Variants in GRM8 observed in about 807,000 individuals in gnomAD.
GRM8 encodes the protein glutamate metabotropic receptor 8, also known as metabotropic glutamate receptor 8.
A neutral mutation model predicts 87.2 loss-of-function variants in GRM8; 47 were observed. That is an observed-to-expected ratio of 0.54 (90% CI 0.43 to 0.69). The LOEUF is 0.69. Among genes scored for constraint, GRM8 ranks in the 30% least tolerant of loss-of-function variants. The probability of loss-of-function intolerance (pLI) is 0.00; values close to 1 mark genes in which losing one functional copy is unlikely to be tolerated. For missense variants in GRM8, 1,019 were observed against 1,139.2 expected (o/e 0.89, Z 1.52); for synonymous variants, 396 against 404.5 (o/e 0.98, Z 0.25).
intron 2 of GRM8, among the ~76,000 whole-genome samples, chr7:127,207,305 A>G (rs1161532446): frequency 3.3e-5 from 5 of 152,156 alleles, no homozygotes; most frequent in African/African-American, 4.8e-5. Context: ...CAAGTTTTCT[A>G]TGTGTCTCGG....
intron 7 of GRM8, among the ~76,000 whole-genome samples, chr7:126,614,354 T>C (rs1799228113): frequency 1.3e-5 from 2 of 152,140 alleles, no homozygotes; most frequent in South Asian, 4.1e-4. Flanking sequence ...AGAAAGGACA[T>C]CCACACCAAA....
chr7:126,645,997 C>G (rs942595776), intron 7 of GRM8, among the ~76,000 whole-genome samples: 1 of 152,130 alleles, frequency 6.6e-6, no homozygotes, highest in Non-Finnish European at 1.5e-5. Context: ...TTACTCACCC[C>G]CTCCCTCTCT....
At chr7:127,100,053 C>T (rs1249350647) in intron 3 of GRM8, among the ~76,000 whole-genome samples, 1 of 152,138 alleles carries the variant, frequency 6.6e-6, no homozygotes, top group Non-Finnish European at 1.5e-5. Context: ...TGTCAGCAAA[C>T]ACCAGAAGCT....
chr7:126,661,877 G>C (rs548351155), intron 7 of GRM8, among the ~76,000 whole-genome samples: 4 of 134,462 alleles, frequency 3.0e-5, no homozygotes, highest in Non-Finnish European at 6.3e-5. Context: ...TTTAATATGA[G>C]AAAGTTCCCA....
rs1368170260 is a variant in GRM8 at position 127,165,255 on chromosome 7, T to C, written c.511-58543A>G. 5.5e-5 allele frequency among the ~76,000 whole-genome samples: 8 copies of C among 145,522 alleles called. No homozygotes were observed. In the Admixed American group the frequency reaches 5.7e-4, roughly 10 times the overall value. On this transcript the variant is annotated intron_variant, in intron 2 of 10. Transcript: ENST00000339582. Reference sequence around the variant, plus strand: ...TAAAATGAGTAAAAATGATGGAAAATATGATTTTTGGTACAGTGGACTGGG... The same window carrying C: ...TAAAATGAGTAAAAATGATGGAAAACATGATTTTTGGTACAGTGGACTGGG...
At chr7:126,887,628 T>C (rs1279910952) in intron 6 of GRM8, among the ~76,000 whole-genome samples, 1 of 152,112 alleles carries the variant, frequency 6.6e-6, no homozygotes, top group Non-Finnish European at 1.5e-5. Context: ...ACTGTCTACA[T>C]ATACCTCCCC....
chr7:127,125,372 A>G (rs1827303361), intron 2 of GRM8, among the ~76,000 whole-genome samples: 1 of 152,064 alleles, frequency 6.6e-6, no homozygotes, highest in South Asian at 2.1e-4. Flanking sequence ...CTTCTCAACA[A>G]ATGGTGCTAG....
At chr7:127,196,812 CAT>C (rs1795301772) in intron 2 of GRM8, among the ~76,000 whole-genome samples, 2 of 152,124 alleles carry the variant, frequency 1.3e-5, no homozygotes, top group Admixed American at 6.5e-5. Context: ...CATCCTGTAA[CAT>C]AGAGATGATA....
At chr7:126,590,655 T>C (rs1265968569) in intron 8 of GRM8, among the ~76,000 whole-genome samples, 1 of 152,106 alleles carries the variant, frequency 6.6e-6, no homozygotes, top group Admixed American at 6.5e-5. Flanking sequence ...GGAAAACCTA[T>C]CAGATTAACA....
intron 3 of GRM8, among the ~76,000 whole-genome samples, chr7:127,001,656 T>C (rs985213401): frequency 6.6e-6 from 1 of 151,708 alleles, no homozygotes; most frequent in Non-Finnish European, 1.5e-5. Context: ...GTTTGGCAGA[T>C]TCTTATAACG....
intron 2 of GRM8, among the ~76,000 whole-genome samples, chr7:127,141,871 C>T (rs903830934): frequency 6.6e-6 from 1 of 152,160 alleles, no homozygotes; most frequent in Non-Finnish European, 1.5e-5. Context: ...CAATAATTAA[C>T]CATTAGCCTG....
intron 6 of GRM8, among the ~76,000 whole-genome samples, chr7:126,889,527 G>C (rs1258824190): frequency 1.3e-5 from 2 of 152,094 alleles, no homozygotes; most frequent in East Asian, 1.9e-4. Flanking sequence ...TGGTAGACTA[G>C]AGGGCATGTT....
chr7:127,234,612 T>C (rs1797878324), intron 2 of GRM8, among the ~76,000 whole-genome samples: 2 of 152,164 alleles, frequency 1.3e-5, no homozygotes, highest in South Asian at 4.1e-4. Context: ...TTCCAAAGTG[T>C]GATGTGCAAA....
intron 3 of GRM8, among the ~76,000 whole-genome samples, chr7:127,060,432 A>G (rs763018383): frequency 6.6e-6 from 1 of 152,206 alleles, no homozygotes; most frequent in Non-Finnish European, 1.5e-5. Flanking sequence ...AGAAAGAGAG[A>G]AAAAGTTTTC....
chr7:126,766,252 T>C (rs1386524574), intron 7 of GRM8, among the ~76,000 whole-genome samples: 3 of 152,108 alleles, frequency 2.0e-5, no homozygotes, highest in African/African-American at 7.2e-5. Context: ...GTACCAACTG[T>C]CTGATGAGCT....
chr7:127,236,843 C>T (rs1053189530), intron 2 of GRM8, among the ~76,000 whole-genome samples: 2 of 152,048 alleles, frequency 1.3e-5, no homozygotes. Flanking sequence ...CTCTGACAGG[C>T]CCATGCTAGG....
At chr7:126,537,799 CA>C (rs1051276754) in intron 8 of GRM8, among the ~76,000 whole-genome samples, 1 of 151,186 alleles carries the variant, frequency 6.6e-6, no homozygotes, top group Non-Finnish European at 1.5e-5. Flanking sequence ...AACAAACAAA[CA>C]AAAAAAACAC....
At chr7:126,578,993 G>C (rs1795360828) in intron 8 of GRM8, among the ~76,000 whole-genome samples, 1 of 152,106 alleles carries the variant, frequency 6.6e-6, no homozygotes, top group Non-Finnish European at 1.5e-5. Flanking sequence ...CTGTGTGCCA[G>C]TAATAGTACC....
At chr7:127,158,709 G>A (rs1428784585) in intron 2 of GRM8, among the ~76,000 whole-genome samples, 3 of 152,046 alleles carry the variant, frequency 2.0e-5, no homozygotes, top group African/African-American at 7.2e-5. Flanking sequence ...ACTTCCCAAA[G>A]GCCCCGCCTC....
Sources: allele counts gnomAD v4.1 joint callset (sites outside exome capture counted in the v4.1 genomes callset), GRCh38; gene constraint gnomAD v4.1.1; transcripts MANE v1.5; gene names NCBI Gene and HGNC (gene_info 2026-07-23, HGNC 2026-07-21).